HSPA1B: variants seen among roughly 807,000 people sequenced by gnomAD.
HSPA1B encodes the protein heat shock 70 kDa protein 1B.
In HSPA1B, 7 loss-of-function variants were observed where a neutral mutation model predicts 9.0. That is an observed-to-expected ratio of 0.78 (90% CI 0.44 to 1.46). The LOEUF is 1.46. Among genes scored for constraint, HSPA1B ranks in the 40% most tolerant of loss-of-function variants. The probability of loss-of-function intolerance (pLI) is 0.01; values close to 1 mark genes in which losing one functional copy is unlikely to be tolerated. For missense variants in HSPA1B, 199 were observed against 424.5 expected (o/e 0.47, Z 4.67); for synonymous variants, 125 against 184.5 (o/e 0.68, Z 2.61).
rs1190492622 is a variant in HSPA1B, at chr6:31,829,958, T to G, written c.*82T>G. On this transcript the variant is annotated 3_prime_UTR_variant, in exon 1 of 1. Coordinates refer to ENST00000375650, the MANE Select transcript of HSPA1B (RefSeq NM_005346.6). ...TTTGCTGCTGTTTTCCTATGTCATT[T>G]CTGCTTCAGCTCTTTGCTGCTTCAC... 6.6e-7 allele frequency: 1 copy of G among 1,515,890 alleles called. No homozygotes were observed. Among genetic ancestry groups the G allele is most frequent in the African/African-American group, 1.4e-5 (1 of 70,414 alleles). 93.9% of individuals were successfully genotyped at this position (1,515,890 alleles called of 1,614,324 possible).
At position 31,829,136 on chromosome 6, in the gene HSPA1B, G is replaced by A. The variant is rs1208038600; in HGVS notation, c.1186G>A (p.Val396Met). 3 of 274,308 alleles carry A rather than the reference G, an allele frequency of 1.1e-5. No homozygotes were observed. The Admixed American group carries it at 2.3e-4, about 21-fold the overall frequency. 17.0% of individuals were successfully genotyped at this position (274,308 alleles called of 1,614,324 possible). The change falls in exon 1 of 1, where the codon GTG becomes ATG. Residue 396 changes from valine (V) to methionine (M), a missense_variant. Val to Met is a conservative substitution (Grantham distance 21, BLOSUM62 1). This residue lies in a region of HSPA1B where 14 missense variants were observed against 147.2 expected (regional missense o/e 0.10). Transcript: ENST00000375650. ...CGTGCAGGACCTGCTGCTGCTGGACGTGGCTCCCCTGTCGCTGGGGCTGGA... is the reference window on the plus strand; with the variant it reads ...CGTGCAGGACCTGCTGCTGCTGGACATGGCTCCCCTGTCGCTGGGGCTGGA... ...ENVQDLLLLD[V>M]APLSLGLETA...
Position 31,830,054 on chromosome 6 carries a change from A to G in HSPA1B, c.*178A>G, listed in dbSNP as rs1816925811. Reference sequence around the variant, plus strand: ...TTTTTGTAGTACAACCGATATGTTCATTAGAATTCTTTGCATTTAATGTTG... The same window carrying G: ...TTTTTGTAGTACAACCGATATGTTCGTTAGAATTCTTTGCATTTAATGTTG... On this transcript the variant is annotated 3_prime_UTR_variant, in exon 1 of 1. Coordinates refer to ENST00000375650, the MANE Select transcript of HSPA1B (RefSeq NM_005346.6). The G allele has an allele frequency of 3.9e-6, 3 of 765,720 alleles. No individual in the cohort carries two copies. The highest frequency in any genetic ancestry group is 6.3e-6 in the Non-Finnish European group (3 of 475,984). 47.4% of individuals were successfully genotyped at this position (765,720 alleles called of 1,614,324 possible). A position where few individuals can be genotyped will look rare whatever the true frequency, so the allele number is the denominator to read the frequency against.
Position 31,828,013 on chromosome 6 carries a change from C to T in HSPA1B, c.63C>T (p.Phe21=), listed in dbSNP as rs750593341. Residue 21 remains phenylalanine (F), a synonymous_variant, in exon 1 of 1, where the codon TTC becomes TTT. Coordinates refer to ENST00000375650, the MANE Select transcript of HSPA1B (RefSeq NM_005346.6). ...CCACCTACTCCTGCGTGGGGGTGTTCCAACACGGCAAGGTGGAGATCATCG... is the reference window on the plus strand; with the variant it reads ...CCACCTACTCCTGCGTGGGGGTGTTTCAACACGGCAAGGTGGAGATCATCG... The part of the protein sequence containing the change: ...LGTTYSCVGV[F]QHGKVEIIAN... 5.6e-6 allele frequency: 9 copies of T among 1,611,346 alleles called. No individual in the cohort carries two copies. Among genetic ancestry groups the T allele is most frequent in the Non-Finnish European group, 7.6e-6 (9 of 1,179,056 alleles).
At position 31,827,892 on chromosome 6, in the gene HSPA1B, C is replaced by T; in HGVS notation, c.-59C>T. 1.2e-6 allele frequency: 2 copies of T among 1,613,010 alleles called. No homozygotes were observed. The highest frequency in any genetic ancestry group is 1.7e-6 in the Non-Finnish European group (2 of 1,179,766). On this transcript the variant is annotated 5_prime_UTR_variant, in exon 1 of 1. Transcript: ENST00000375650. ...GAAGGACTGAGCTCTTGTCGCGGAT[C>T]CCGTCCGCCGTTTCCAGCCCCCAGT...
rs9279427 is a variant in HSPA1B, at chr6:31,830,146, G to GTTTTT, written c.*290_*294dup. On this transcript the variant is annotated 3_prime_UTR_variant, in exon 1 of 1. Coordinates refer to ENST00000375650, the MANE Select transcript of HSPA1B (RefSeq NM_005346.6). Reference sequence around the variant, plus strand: ...TGCCACCTTCTGTACGAGTTTGTTTGTTTTTTTTTTTTTTTTTTTTTTTTG... The same window carrying GTTTTT: ...TGCCACCTTCTGTACGAGTTTGTTTGTTTTTTTTTTTTTTTTTTTTTTTTTTTTTG... 9.2e-3 allele frequency: 770 copies of GTTTTT among 84,024 alleles called. No individual in the cohort carries two copies. The highest frequency in any genetic ancestry group is 0.013 in the East Asian group (35 of 2,700). The allele number at this position is 84,024 out of a possible 1,614,324, so 5.2% of individuals were successfully genotyped here.
rs34396430 is a variant in HSPA1B, at chr6:31,830,173, T to C, written c.*297T>C. 1 of 340,878 alleles carries C rather than the reference T, an allele frequency of 2.9e-6. No homozygotes were observed. Among genetic ancestry groups the C allele is most frequent in the African/African-American group, 2.6e-5 (1 of 38,406 alleles). The allele number at this position is 340,878 out of a possible 1,614,324, so 21.1% of individuals were successfully genotyped here. On this transcript the variant is annotated 3_prime_UTR_variant, in exon 1 of 1. Coordinates refer to ENST00000375650, the MANE Select transcript of HSPA1B (RefSeq NM_005346.6). ...TTTTTTTTTTTTTTTTTTTTTTTGCTTGGCGAAAACACTACAAAGGCTGGG... is the reference window on the plus strand; with the variant it reads ...TTTTTTTTTTTTTTTTTTTTTTTGCCTGGCGAAAACACTACAAAGGCTGGG...
At position 31,827,857 on chromosome 6, in the gene HSPA1B, C is replaced by G; in HGVS notation, c.-94C>G. 2 of 1,609,434 alleles carry G rather than the reference C, an allele frequency of 1.2e-6. No homozygotes were observed. Among genetic ancestry groups the G allele is most frequent in the East Asian group, 2.2e-5 (1 of 44,682 alleles). On this transcript the variant is annotated 5_prime_UTR_variant, in exon 1 of 1. Transcript: ENST00000375650. ...CTGCAGGCACCGGCGTGTTGAGTTTCCGGCGTTCCGAAGGACTGAGCTCTT... is the reference window on the plus strand; with the variant it reads ...CTGCAGGCACCGGCGTGTTGAGTTTGCGGCGTTCCGAAGGACTGAGCTCTT...
At position 31,828,328 on chromosome 6, in the gene HSPA1B, G is replaced by A; in HGVS notation, c.378G>A (p.Lys126=). The A allele has an allele frequency of 4.1e-6, 2 of 485,558 alleles. No homozygotes were observed. Among genetic ancestry groups the A allele is most frequent in the Non-Finnish European group, 6.7e-6 (2 of 299,528 alleles). 30.1% of individuals were successfully genotyped at this position (485,558 alleles called of 1,614,324 possible). A position where few individuals can be genotyped will look rare whatever the true frequency, so the allele number is the denominator to read the frequency against. The part of the protein sequence containing the change: ...PEEISSMVLT[K]MKEIAEAYLG... Reference sequence around the variant, plus strand: ...AGATCTCGTCCATGGTGCTGACCAAGATGAAGGAGATCGCCGAGGCGTACC... The same window carrying A: ...AGATCTCGTCCATGGTGCTGACCAAAATGAAGGAGATCGCCGAGGCGTACC... The change falls in exon 1 of 1, where the codon AAG becomes AAA. Residue 126 remains lysine (K), a synonymous_variant. Coordinates refer to ENST00000375650, the MANE Select transcript of HSPA1B (RefSeq NM_005346.6).
In HSPA1B at chr6:31,827,944, C is replaced by T. The variant is rs199901440; in HGVS notation, c.-7C>T. The stretch of plus-strand genomic sequence containing the variant: ...TCAGAGCGGAGCCCACAGAGCAGGG[C>T]ACCGGCATGGCCAAAGCCGCGGCGA... On this transcript the variant is annotated 5_prime_UTR_variant, in exon 1 of 1. Coordinates refer to ENST00000375650, the MANE Select transcript of HSPA1B (RefSeq NM_005346.6). 1.9e-6 allele frequency: 3 copies of T among 1,612,400 alleles called. No individual in the cohort carries two copies. Among genetic ancestry groups the T allele is most frequent in the South Asian group, 1.1e-5 (1 of 91,052 alleles).
chr6:31,829,969 T>C lies in HSPA1B; in HGVS notation c.*93T>C. The C allele has an allele frequency of 6.8e-7, 1 of 1,463,202 alleles. No homozygotes were observed. The highest frequency in any genetic ancestry group is 9.2e-7 in the Non-Finnish European group (1 of 1,087,674). 90.6% of individuals were successfully genotyped at this position (1,463,202 alleles called of 1,614,324 possible). A position where few individuals can be genotyped will look rare whatever the true frequency, so the allele number is the denominator to read the frequency against. On this transcript the variant is annotated 3_prime_UTR_variant, in exon 1 of 1. Transcript: ENST00000375650. ...TTTCCTATGTCATTTCTGCTTCAGC[T>C]CTTTGCTGCTTCACTTCTTTGTAAA...
At position 31,829,970 on chromosome 6, in the gene HSPA1B, C is replaced by T; in HGVS notation, c.*94C>T. The T allele has an allele frequency of 1.4e-6, 2 of 1,459,054 alleles. No homozygotes were observed. Among genetic ancestry groups the T allele is most frequent in the Non-Finnish European group, 1.8e-6 (2 of 1,085,476 alleles). The allele number at this position is 1,459,054 out of a possible 1,614,324, so 90.4% of individuals were successfully genotyped here. A position where few individuals can be genotyped will look rare whatever the true frequency, so the allele number is the denominator to read the frequency against. ...TTCCTATGTCATTTCTGCTTCAGCTCTTTGCTGCTTCACTTCTTTGTAAAG... is the reference window on the plus strand; with the variant it reads ...TTCCTATGTCATTTCTGCTTCAGCTTTTTGCTGCTTCACTTCTTTGTAAAG... On this transcript the variant is annotated 3_prime_UTR_variant, in exon 1 of 1. Transcript: ENST00000375650.
rs2151488556 is a variant in HSPA1B, at chr6:31,830,205, T to C, written c.*329T>C. 3.2e-6 allele frequency: 1 copy of C among 313,122 alleles called. No individual in the cohort carries two copies. Among genetic ancestry groups the C allele is most frequent in the Non-Finnish European group, 6.0e-6 (1 of 167,566 alleles). 19.4% of individuals were successfully genotyped at this position (313,122 alleles called of 1,614,324 possible). A position where few individuals can be genotyped will look rare whatever the true frequency, so the allele number is the denominator to read the frequency against. On this transcript the variant is annotated 3_prime_UTR_variant, in exon 1 of 1. Coordinates refer to ENST00000375650, the MANE Select transcript of HSPA1B (RefSeq NM_005346.6). ...AAACACTACAAAGGCTGGGAATGTA[T>C]GTTTTTATAATTTGTTTATTTAAAT... is the stretch of plus-strand genomic sequence containing the variant.
Position 31,829,814 on chromosome 6 carries a change from T to C in HSPA1B, c.1864T>C (p.Phe622Leu). 6.2e-7 allele frequency: 1 copy of C among 1,611,440 alleles called. No homozygotes were observed. The highest frequency in any genetic ancestry group is 8.5e-7 in the Non-Finnish European group (1 of 1,179,584). ...QGAGGPGPGG[F>L]GAQGPKGGSG... ...TGCCGGTGGTCCCGGGCCTGGCGGC[T>C]TCGGGGCTCAGGGTCCCAAGGGAGG... The change falls in exon 1 of 1, where the codon TTC (phenylalanine) becomes CTC (leucine). Residue 622 changes from phenylalanine to leucine, a missense_variant. Around this residue, in one of 5 missense-constraint regions of HSPA1B, gnomAD observed 67 missense variants for 106.4 expected, o/e 0.63. Coordinates refer to ENST00000375650, the MANE Select transcript of HSPA1B (RefSeq NM_005346.6).
chr6:31,827,772 G>C lies in HSPA1B; in HGVS notation c.-179G>C, dbSNP rs760804114. 4.3e-6 allele frequency: 6 copies of C among 1,381,164 alleles called. No homozygotes were observed. The highest frequency in any genetic ancestry group is 1.8e-4 in the Middle Eastern group (1 of 5,690). 85.6% of individuals were successfully genotyped at this position (1,381,164 alleles called of 1,614,324 possible). On this transcript the variant is annotated 5_prime_UTR_variant, in exon 1 of 1. Transcript: ENST00000375650. ...GCCTGAGGAGCTGCTGCGAGGGTCC[G>C]CTTCGTCTTTCGAGAGTGACTCCCG... is the stretch of plus-strand genomic sequence containing the variant.
chr6:31,829,771 C>T lies in HSPA1B; in HGVS notation c.1821C>T (p.Ile607=). The change falls in exon 1 of 1, where the codon ATC becomes ATT. Residue 607 remains isoleucine, a synonymous_variant. Transcript: ENST00000375650. ...KELEQVCNPI[I]SGLYQGAGGP... ...TGGAGCAGGTGTGTAACCCCATCAT[C>T]AGCGGACTGTACCAGGGTGCCGGTG... The T allele has an allele frequency of 6.2e-7, 1 of 1,612,664 alleles. No individual in the cohort carries two copies. Among genetic ancestry groups the T allele is most frequent in the Non-Finnish European group, 8.5e-7 (1 of 1,179,962 alleles).
chr6:31,827,771 C>CA lies in HSPA1B; in HGVS notation c.-180_-179insA, dbSNP rs1562367848. The stretch of plus-strand genomic sequence containing the variant: ...AGCCTGAGGAGCTGCTGCGAGGGTC[C>CA]GCTTCGTCTTTCGAGAGTGACTCCC... On this transcript the variant is annotated 5_prime_UTR_variant, in exon 1 of 1. Coordinates refer to ENST00000375650, the MANE Select transcript of HSPA1B (RefSeq NM_005346.6). The CA allele has an allele frequency of 7.3e-7, 1 of 1,366,182 alleles. No homozygotes were observed. The highest frequency in any genetic ancestry group is 1.2e-5 in the South Asian group (1 of 80,600). 84.6% of individuals were successfully genotyped at this position (1,366,182 alleles called of 1,614,324 possible).
Position 31,829,757 on chromosome 6 carries a change from T to G in HSPA1B, c.1807T>G (p.Cys603Gly). 1 of 1,612,308 alleles carries G rather than the reference T, an allele frequency of 6.2e-7. No homozygotes were observed. Among genetic ancestry groups the G allele is most frequent in the Non-Finnish European group, 8.5e-7 (1 of 1,179,922 alleles). Residue 603 changes from cysteine to glycine, a missense_variant, in exon 1 of 1, where the codon TGT (cysteine) becomes GGT (glycine). Physicochemically the swap from Cys to Gly is radical, Grantham distance 159. Coordinates refer to ENST00000375650, the MANE Select transcript of HSPA1B (RefSeq NM_005346.6). ...EHKRKELEQVCNPIISGLYQG... is the reference protein window; with the variant it reads ...EHKRKELEQVGNPIISGLYQG... ...CAAGAGGAAGGAGCTGGAGCAGGTG[T>G]GTAACCCCATCATCAGCGGACTGTA...
chr6:31,830,239 T>C lies in HSPA1B; in HGVS notation c.*363T>C, dbSNP rs565973902. 1 of 221,662 alleles carries C rather than the reference T, an allele frequency of 4.5e-6. No individual in the cohort carries two copies. Among genetic ancestry groups the C allele is most frequent in the East Asian group, 1.0e-4 (1 of 9,612 alleles). 13.7% of individuals were successfully genotyped at this position (221,662 alleles called of 1,614,324 possible). On this transcript the variant is annotated 3_prime_UTR_variant, in exon 1 of 1. Coordinates refer to ENST00000375650, the MANE Select transcript of HSPA1B (RefSeq NM_005346.6). ...AATTTGTTTATTTAAATATGAAAAA[T>C]AAAATGTTAAACTTTTTCTTGTCTG... is the stretch of plus-strand genomic sequence containing the variant.
rs1271047574 is a variant in HSPA1B at position 31,829,939 on chromosome 6, G to T, written c.*63G>T. 2.6e-6 allele frequency: 4 copies of T among 1,560,984 alleles called. No homozygotes were observed. In the African/African-American group the frequency reaches 5.5e-5, roughly 21 times the overall value. On this transcript the variant is annotated 3_prime_UTR_variant, in exon 1 of 1. Transcript: ENST00000375650. Reference sequence around the variant, plus strand: ...ACTGTTGGGACTCAAGGACTTTGCTGCTGTTTTCCTATGTCATTTCTGCTT... The same window carrying T: ...ACTGTTGGGACTCAAGGACTTTGCTTCTGTTTTCCTATGTCATTTCTGCTT...
Sources: gnomAD v4.1 joint callset for allele counts on GRCh38, gnomAD v4.1.1 for gene constraint, gnomAD v4.1.1 regional missense constraint, MANE v1.5 for transcripts, NCBI Gene and HGNC (gene_info 2026-07-23, HGNC 2026-07-21) for gene names.